The following TNFRSF8 variants were observed in gnomAD, a reference collection of about 807,000 sequenced individuals.
The protein encoded by TNFRSF8 is TNF receptor superfamily member 8.
In TNFRSF8, 26 loss-of-function variants were observed where a neutral mutation model predicts 70.8. The observed-to-expected ratio is 0.37, with a 90% CI of 0.27 to 0.51. The LOEUF is 0.51. TNFRSF8 is among the 20% of genes least tolerant of loss of function. TNFRSF8 has a pLI of 0.94. For synonymous variants in TNFRSF8, 356 were observed against 339.2 expected, an observed-to-expected ratio of 1.05 and a Z score of -0.54; for missense variants, 720 against 807.9, an observed-to-expected ratio of 0.89 and a Z score of 1.32.
intron 12 of TNFRSF8, among the ~76,000 whole-genome samples, chr1:12,130,377 T>G (rs1457711212): frequency 1.3e-5 from 2 of 152,190 alleles, no homozygotes; most frequent in African/African-American, 4.8e-5. Flanking sequence ...TGTGCTTTGG[T>G]GTATCCTCAT....
chr1:12,082,168 A>G (rs59457204), intron 1 of TNFRSF8, among the ~76,000 whole-genome samples: 38,490 of 152,100 alleles, frequency 0.25, 5,246 homozygotes, highest in South Asian at 0.38. Context: ...ATCTCAACAA[A>G]GAATTTCCTC....
chr1:12,086,772 G>A lies in TNFRSF8; in HGVS notation c.151+2221G>A, dbSNP rs150853947. 7.7e-3 allele frequency among the ~76,000 whole-genome samples: 1,172 copies of A among 151,870 alleles called. 16 individuals are homozygous for A. The highest frequency in any genetic ancestry group is 0.027 in the African/African-American group (1,103 of 41,382). ...TGCAGATGGCAGTCTTCTCATGGTG[G>A]GAAGATCGATCTCTCTCTCTCTTTC... On this transcript the variant is annotated intron_variant, in intron 2 of 14. Coordinates refer to ENST00000263932, the MANE Select transcript of TNFRSF8 (RefSeq NM_001243.5).
intron 14 of TNFRSF8, among the ~76,000 whole-genome samples, chr1:12,139,322 A>G (rs1050774991): frequency 6.6e-6 from 1 of 151,898 alleles, no homozygotes; most frequent in Admixed American, 6.6e-5. Flanking sequence ...CAGTCTCCCA[A>G]ATTTACAGAC....
chr1:12,076,523 C>T (rs2100954636), intron 1 of TNFRSF8, among the ~76,000 whole-genome samples: 1 of 152,288 alleles, frequency 6.6e-6, no homozygotes, highest in African/African-American at 2.4e-5. Context: ...TTCCTTCCAG[C>T]CAGGGACTCC....
At chr1:12,065,930 T>A (rs556886778) in intron 1 of TNFRSF8, among the ~76,000 whole-genome samples, 12 of 152,194 alleles carry the variant, frequency 7.9e-5, no homozygotes, top group Non-Finnish European at 1.2e-4. Context: ...AATACTGAGG[T>A]TGCAGGGCGA....
At chr1:12,130,451 C>T (rs969545789) in intron 12 of TNFRSF8, among the ~76,000 whole-genome samples, 40 of 152,170 alleles carry the variant, frequency 2.6e-4, no homozygotes, top group African/African-American at 8.7e-4. Context: ...GCTCCTGCCC[C>T]GGCCCTGGAA....
chr1:12,077,205 C>G (rs569389403), intron 1 of TNFRSF8, among the ~76,000 whole-genome samples: 35 of 152,288 alleles, frequency 2.3e-4, no homozygotes, highest in African/African-American at 8.4e-4. Context: ...ATTATAAGTG[C>G]GAGCCACTTC....
At chr1:12,090,357 C>T (rs1014593602) in intron 2 of TNFRSF8, among the ~76,000 whole-genome samples, 1 of 150,604 alleles carries the variant, frequency 6.6e-6, no homozygotes, top group African/African-American at 2.5e-5. Context: ...CATCCGTCTA[C>T]CCATCCACCC....
At chr1:12,128,353 A>G (rs1315410377) in intron 12 of TNFRSF8, among the ~76,000 whole-genome samples, 1 of 152,216 alleles carries the variant, frequency 6.6e-6, no homozygotes, top group Admixed American at 6.5e-5. Context: ...TCCTTTGAGC[A>G]GTGAGCACAT....
At chr1:12,066,074 A>C (rs761577804) in intron 1 of TNFRSF8, among the ~76,000 whole-genome samples, 5 of 152,118 alleles carry the variant, frequency 3.3e-5, no homozygotes, top group Non-Finnish European at 7.4e-5. Context: ...CAGCATTTTA[A>C]TTTTTCTCAA....
chr1:12,123,192 C>A (rs946264864), intron 8 of TNFRSF8, 92 bp from the exon 9 acceptor site: 2 of 1,118,218 alleles, frequency 1.8e-6, no homozygotes, highest in Non-Finnish European at 2.6e-6. Flanking sequence ...GGTGTTGCCT[C>A]GCTGGAAGCC....
At position 12,117,101 on chromosome 1, in the gene TNFRSF8, G is replaced by A. The variant is rs1382621247; in HGVS notation, c.946+1372G>A. Among the ~76,000 whole-genome samples the A allele has an allele frequency of 5.3e-5, 8 of 151,684 alleles. 1 individual carries two copies. The highest frequency in any genetic ancestry group is 1.0e-4 in the Non-Finnish European group (7 of 67,960). The stretch of plus-strand genomic sequence containing the variant: ...TGTCTTTTTTTTTCCTCTTTTTTTA[G>A]AGATGGAGTCTCGCTGTCTTGCCCA... On this transcript the variant is annotated intron_variant, in intron 8 of 14. Transcript: ENST00000263932.
intron 8 of TNFRSF8, among the ~76,000 whole-genome samples, chr1:12,118,008 T>C (rs1004569198): frequency 1.3e-5 from 2 of 152,238 alleles, no homozygotes; most frequent in Non-Finnish European, 1.5e-5. Flanking sequence ...TCCATCCATG[T>C]TGCTGCGAAA....
chr1:12,111,646 G>A (rs1381592259), intron 6 of TNFRSF8, among the ~76,000 whole-genome samples: 2 of 152,162 alleles, frequency 1.3e-5, no homozygotes, highest in Non-Finnish European at 2.9e-5. Flanking sequence ...GGGAAGCTGT[G>A]GCATGGTGGC....
At chr1:12,111,242 C>T (rs983347314) in intron 6 of TNFRSF8, among the ~76,000 whole-genome samples, 15 of 151,914 alleles carry the variant, frequency 9.9e-5, no homozygotes, top group Admixed American at 5.2e-4. Context: ...AGTGCAGTGG[C>T]GTGATCTCGG....
At position 12,119,942 on chromosome 1, in the gene TNFRSF8, C is replaced by G. The variant is rs1361723722; in HGVS notation, c.947-3342C>G. ...TTCGTTTTACACCCAGAGAGAAGCA[C>G]AGGGCCGAAGCTAGAACCAGAATGC... On this transcript the variant is annotated intron_variant, in intron 8 of 14. Coordinates refer to ENST00000263932, the MANE Select transcript of TNFRSF8 (RefSeq NM_001243.5). The surrounding 1 kb of genome is among the most constrained non-coding windows in gnomAD (Gnocchi z 4.4). Among the ~76,000 whole-genome samples the G allele has an allele frequency of 6.6e-6, 1 of 152,132 alleles. No individual in the cohort carries two copies. The highest frequency in any genetic ancestry group is 2.4e-5 in the African/African-American group (1 of 41,402).
At chr1:12,086,678 G>A (rs1373684500) in intron 2 of TNFRSF8, among the ~76,000 whole-genome samples, 1 of 151,722 alleles carries the variant, frequency 6.6e-6, no homozygotes, top group African/African-American at 2.4e-5. Flanking sequence ...TTACAGTTCT[G>A]GAGGCTTGAA....
intron 13 of TNFRSF8, among the ~76,000 whole-genome samples, chr1:12,136,017 A>G (rs953047185): frequency 6.6e-6 from 1 of 151,124 alleles, no homozygotes; most frequent in Non-Finnish European, 1.5e-5. Context: ...TTACTCTTCC[A>G]TGAATCTCAT....
Position 12,138,757 on chromosome 1 carries a change from C to A in TNFRSF8, c.1543+321C>A, listed in dbSNP as rs763287512. On this transcript the variant is annotated intron_variant, in intron 14 of 14. Coordinates refer to ENST00000263932, the MANE Select transcript of TNFRSF8 (RefSeq NM_001243.5). This position sits in a 1 kb window ranked among gnomAD's most constrained non-coding sequence, Gnocchi z 5.7. Reference sequence around the variant, plus strand: ...GACGTGCCAGTGGTCACAGGACCTGCCACTTGTCTGGCGCATTCCGGGCAC... The same window carrying A: ...GACGTGCCAGTGGTCACAGGACCTGACACTTGTCTGGCGCATTCCGGGCAC... 2.7e-4 allele frequency among the ~76,000 whole-genome samples: 41 copies of A among 152,336 alleles called. No individual in the cohort carries two copies. The highest frequency in any genetic ancestry group is 5.4e-4 in the Non-Finnish European group (37 of 68,026).
Sources: gnomAD v4.1 joint callset for allele counts (sites outside exome capture counted in the v4.1 genomes callset) on GRCh38, gnomAD v4.1.1 for gene constraint, Gnocchi (gnomAD v3.1) non-coding constraint, MANE v1.5 for transcripts, NCBI Gene and HGNC (gene_info 2026-07-23, HGNC 2026-07-21) for gene names.